The following PTPRE variants were observed in gnomAD, a reference collection of about 807,000 sequenced individuals.
The protein encoded by PTPRE is protein tyrosine phosphatase receptor type E, also known as receptor-type tyrosine-protein phosphatase epsilon.
PTPRE carries 51 observed loss-of-function variants against 102.0 expected under a neutral mutation model. That is an observed-to-expected ratio of 0.50 (90% CI 0.40 to 0.63). The LOEUF is 0.63. PTPRE is among the 30% of genes least tolerant of loss of function. The pLI is 0.00. For missense variants in PTPRE, 752 were observed against 915.1 expected, an observed-to-expected ratio of 0.82 and a Z score of 2.30; for synonymous variants, 345 against 348.2, an observed-to-expected ratio of 0.99 and a Z score of 0.10.
chr10:127,925,704 A>G (rs1055824579), intron 1 of PTPRE, among the ~76,000 whole-genome samples: 8 of 152,162 alleles, frequency 5.3e-5, no homozygotes, highest in Non-Finnish European at 1.0e-4. Flanking sequence ...CCCTGGGGCT[A>G]TCACCCTAAA....
At chr10:127,995,409 A>T (rs574856798) in intron 2 of PTPRE, among the ~76,000 whole-genome samples, 122 of 152,246 alleles carry the variant, frequency 8.0e-4, no homozygotes, top group African/African-American at 2.7e-3. Flanking sequence ...GGAGATGGTT[A>T]TGTGCTTTGC....
At chr10:127,943,086 A>G (rs117964477) in intron 1 of PTPRE, among the ~76,000 whole-genome samples, 6,345 of 152,262 alleles carry the variant, frequency 0.042, 208 homozygotes, top group Middle Eastern at 0.075. Context: ...CAGCTCTGCC[A>G]GACATCCACA....
chr10:127,998,194 A>G (rs1390988242), intron 2 of PTPRE: 2 of 152,254 alleles, frequency 1.3e-5, no homozygotes, highest in African/African-American at 4.8e-5. Flanking sequence ...TGATTGTTTC[A>G]GAAATTCCTT....
rs74159172 is a variant in PTPRE, at chr10:128,069,339, C to G, written c.1008-353C>G. 8.3e-3 allele frequency: 1,662 copies of G among 201,042 alleles called. 25 individuals carry two copies. Among genetic ancestry groups the G allele is most frequent in the African/African-American group, 0.037 (1,566 of 42,166 alleles). The allele number at this position is 201,042 out of a possible 1,614,324, so 12.5% of individuals were successfully genotyped here. A position where few individuals can be genotyped will look rare whatever the true frequency, so the allele number is the denominator to read the frequency against. ...ATACCAGAGCTGTTGCATAGTTGAT[C>G]TGAGGTCCCTCTGCTCCCAGGGGGA... On this transcript the variant is annotated intron_variant, in intron 12 of 20. Transcript: ENST00000254667.
intron 2 of PTPRE, among the ~76,000 whole-genome samples, chr10:128,035,928 T>C (rs888710806): frequency 1.3e-5 from 2 of 152,096 alleles, no homozygotes; most frequent in South Asian, 2.1e-4. Context: ...CCTGGGCTGG[T>C]TGAGACGTCC....
chr10:128,079,456 G>A (rs1303183271), intron 19 of PTPRE, 104 bp from the exon 20 acceptor site: 24 of 1,398,214 alleles, frequency 1.7e-5, no homozygotes, highest in Admixed American at 4.6e-5. Flanking sequence ...CATTTTCAGC[G>A]ATTGTTGCTT....
intron 1 of PTPRE, among the ~76,000 whole-genome samples, chr10:127,940,882 A>G (rs948714009): frequency 1.3e-5 from 2 of 152,180 alleles, no homozygotes; most frequent in Admixed American, 6.5e-5. Context: ...CTAGGAGACT[A>G]TGACTTTCCT....
chr10:127,947,324 T>G (rs771244045), intron 1 of PTPRE, among the ~76,000 whole-genome samples: 4 of 152,190 alleles, frequency 2.6e-5, no homozygotes, highest in African/African-American at 4.8e-5. Context: ...TGAGCCAGAT[T>G]CACGTGCATT....
intron 1 of PTPRE, among the ~76,000 whole-genome samples, chr10:127,926,696 T>C (rs749789980): frequency 2.2e-4 from 33 of 151,184 alleles, no homozygotes; most frequent in Non-Finnish European, 4.0e-4. Flanking sequence ...AGGAGACGCC[T>C]AGCAGGGGAG....
intron 2 of PTPRE, among the ~76,000 whole-genome samples, chr10:128,025,101 A>G (rs1473692116): frequency 7.0e-6 from 1 of 142,378 alleles, no homozygotes; most frequent in Non-Finnish European, 1.5e-5. Context: ...TGAGGCTGCA[A>G]TGAGCCATGA....
At chr10:128,077,829 G>T in intron 19 of PTPRE, 46 bp downstream of exon 19, 1 of 1,546,822 alleles carries the variant, frequency 6.5e-7, no homozygotes, top group Non-Finnish European at 8.8e-7. Context: ...GACACAGGCT[G>T]CACCCCCCCA....
chr10:127,907,762 C>T lies in PTPRE; in HGVS notation c.-31+453C>T, dbSNP rs986583623. ...TTTGAAGAAAGTGGCTCGAGTTGTG[C>T]CAACTCTGGGAGGGGCCGGCGCTCT... is the stretch of plus-strand genomic sequence containing the variant. On this transcript the variant is annotated intron_variant, in intron 1 of 20. Coordinates refer to ENST00000254667, the MANE Select transcript of PTPRE (RefSeq NM_006504.6). This position sits in a 1 kb window ranked among gnomAD's most constrained non-coding sequence, Gnocchi z 4.8. 1.6e-4 allele frequency among the ~76,000 whole-genome samples: 24 copies of T among 152,248 alleles called. No homozygotes were observed. Among genetic ancestry groups the T allele is most frequent in the African/African-American group, 5.8e-4 (24 of 41,550 alleles).
intron 2 of PTPRE, among the ~76,000 whole-genome samples, chr10:128,016,146 G>T (rs1000969023): frequency 2.6e-5 from 4 of 152,150 alleles, no homozygotes; most frequent in African/African-American, 7.2e-5. Context: ...ACCAGGGCAT[G>T]GACCATATGG....
At chr10:128,025,320 C>T (rs1846215635) in intron 2 of PTPRE, among the ~76,000 whole-genome samples, 2 of 152,096 alleles carry the variant, frequency 1.3e-5, no homozygotes, top group African/African-American at 2.4e-5. Context: ...GCTGTAACTC[C>T]CCAGTGAGGA....
At chr10:128,076,524 C>A (rs984448983) in intron 17 of PTPRE, 79 bp from the exon 18 acceptor site, 6 of 1,373,976 alleles carry the variant, frequency 4.4e-6, no homozygotes, top group Admixed American at 2.6e-5. Flanking sequence ...GGTTTGAGAA[C>A]AATTCTGTGT....
At chr10:127,967,302 C>G (rs766385059) in intron 1 of PTPRE, among the ~76,000 whole-genome samples, 4 of 152,190 alleles carry the variant, frequency 2.6e-5, no homozygotes, top group Admixed American at 2.6e-4. Context: ...TTGGCTGTGT[C>G]CCCACCCAAA....
At chr10:127,940,838 A>C (rs1848195264) in intron 1 of PTPRE, among the ~76,000 whole-genome samples, 1 of 152,200 alleles carries the variant, frequency 6.6e-6, no homozygotes, top group Non-Finnish European at 1.5e-5. Context: ...ATTCGTCCCA[A>C]GGTGCTGTGA....
intron 2 of PTPRE, among the ~76,000 whole-genome samples, chr10:128,012,315 T>C (rs1845086215): frequency 6.6e-6 from 1 of 152,230 alleles, no homozygotes; most frequent in African/African-American, 2.4e-5. Context: ...AGGATAGATC[T>C]GACCTTGTGG....
chr10:127,933,167 C>T (rs891968381), intron 1 of PTPRE, among the ~76,000 whole-genome samples: 1 of 152,196 alleles, frequency 6.6e-6, no homozygotes, highest in African/African-American at 2.4e-5. Context: ...TGCAAAGTCC[C>T]TTCACAACGG....
Sources: allele counts gnomAD v4.1 joint callset (sites outside exome capture counted in the v4.1 genomes callset), GRCh38; gene constraint gnomAD v4.1.1; non-coding constraint Gnocchi (gnomAD v3.1); transcripts MANE v1.5; gene names NCBI Gene and HGNC (gene_info 2026-07-23, HGNC 2026-07-21).